ADGRF1: variants seen among roughly 807,000 people sequenced by gnomAD.
ADGRF1 encodes the protein adhesion G protein-coupled receptor F1.
ADGRF1 carries 85 observed loss-of-function variants against 87.2 expected under a neutral mutation model. The ratio of observed to expected loss-of-function variants is 0.97; its 90% CI spans 0.82 to 1.17. The LOEUF is 1.17. Ranked by LOEUF, ADGRF1 falls within the 50% of genes most tolerant of loss-of-function variation. ADGRF1 has a pLI of 0.00. For synonymous variants in ADGRF1, 430 were observed against 408.8 expected (o/e 1.05, Z -0.63); for missense variants, 1,169 against 1,077.2 (o/e 1.09, Z -1.19).
At chr6:47,037,726 T>C (rs1213358988) in intron 1 of ADGRF1, among the ~76,000 whole-genome samples, 1 of 152,182 alleles carries the variant, frequency 6.6e-6, no homozygotes, top group Non-Finnish European at 1.5e-5. Flanking sequence ...TTGTTCACAC[T>C]GGCCTTGAAC....
At chr6:47,040,370 G>T (rs1652092652) in intron 1 of ADGRF1, among the ~76,000 whole-genome samples, 1 of 152,156 alleles carries the variant, frequency 6.6e-6, no homozygotes, top group South Asian at 2.1e-4. Flanking sequence ...TACTCGGGAG[G>T]CTGAGGCAGG....
intron 1 of ADGRF1, among the ~76,000 whole-genome samples, chr6:47,031,524 C>T (rs189166208): frequency 6.6e-6 from 1 of 152,124 alleles, no homozygotes; most frequent in East Asian, 1.9e-4. Flanking sequence ...CTTCTCCCAC[C>T]CTAGAGATAT....
At position 47,009,070 on chromosome 6, in the gene ADGRF1, C is replaced by T. The variant is rs145194935; in HGVS notation, c.2365G>A (p.Val789Met). 132 of 1,613,972 alleles carry T rather than the reference C, an allele frequency of 8.2e-5. No individual in the cohort carries two copies. Among genetic ancestry groups the T allele is most frequent in the Non-Finnish European group, 9.4e-5 (111 of 1,180,020 alleles). ...SRDDKATIIR[V>M]GKSLLILTPL... ...GTCAGAATGAGGAGGCTCTTCCCCA[C>T]GCGGATGATGGTGGCCTTGTCATCC... Residue 789 changes from valine to methionine, a missense_variant, in exon 11 of 15, where the codon GTG (valine) becomes ATG (methionine). Coordinates refer to ENST00000371253, the MANE Select transcript of ADGRF1 (RefSeq NM_153840.4).
At chr6:47,014,520 C>T (rs776180819) in intron 9 of ADGRF1, 161 bp downstream of exon 9, 304 of 1,409,784 alleles carry the variant, frequency 2.2e-4, no homozygotes, top group Middle Eastern at 1.5e-3. Flanking sequence ...CACTCATGCA[C>T]GACTCCACGG....
chr6:47,034,462 G>A (rs1780530312), intron 1 of ADGRF1, among the ~76,000 whole-genome samples: 1 of 152,168 alleles, frequency 6.6e-6, no homozygotes, highest in Admixed American at 6.5e-5. Context: ...TAAGAATTCT[G>A]GACTTGTAAG....
In ADGRF1 at chr6:47,023,010, C is replaced by G. The variant is rs548273784; in HGVS notation, c.452-952G>C. 3.3e-5 allele frequency among the ~76,000 whole-genome samples: 5 copies of G among 151,864 alleles called. No individual in the cohort carries two copies. In the South Asian group the frequency reaches 8.3e-4, roughly 25 times the overall value. On this transcript the variant is annotated intron_variant, in intron 5 of 14. Coordinates refer to ENST00000371253, the MANE Select transcript of ADGRF1 (RefSeq NM_153840.4). ...TATTTTTTGTAGAGATGCATTTTTGCCATGTTGCCCAAGCTGGTCTCGAAC... is the reference window on the plus strand; with the variant it reads ...TATTTTTTGTAGAGATGCATTTTTGGCATGTTGCCCAAGCTGGTCTCGAAC...
chr6:47,037,200 A>C (rs575666405), intron 1 of ADGRF1, among the ~76,000 whole-genome samples: 1 of 152,144 alleles, frequency 6.6e-6, no homozygotes, highest in Non-Finnish European at 1.5e-5. Context: ...TTATTGTTTT[A>C]ATTTTCCTGT....
intron 1 of ADGRF1, among the ~76,000 whole-genome samples, chr6:47,036,899 T>A (rs1454741848): frequency 6.6e-6 from 1 of 152,172 alleles, no homozygotes; most frequent in Non-Finnish European, 1.5e-5. Flanking sequence ...AAACTCAAGA[T>A]CATAGCAGTT....
At chr6:47,013,921 A>T (rs1360032644) in intron 9 of ADGRF1, 1 of 153,202 alleles carries the variant, frequency 6.5e-6, no homozygotes, top group African/African-American at 2.4e-5. Context: ...CCATATAAGG[A>T]TGTGCTTACT....
intron 1 of ADGRF1, among the ~76,000 whole-genome samples, chr6:47,035,454 TA>T (rs144899095): frequency 0.07 from 10,715 of 152,300 alleles, 507 homozygotes; most frequent in Non-Finnish European, 0.11. Flanking sequence ...GCTACCTAAT[TA>T]AAAGAAATAA....
At chr6:47,020,217 G>A in intron 7 of ADGRF1, 1 of 1,255,416 alleles carries the variant, frequency 8.0e-7, no homozygotes, top group Non-Finnish European at 1.0e-6. Flanking sequence ...TCCTAGGCCA[G>A]ATGTGGTGGC....
chr6:47,014,922 C>T, intron 8 of ADGRF1, 78 bp from the exon 9 acceptor site: 1 of 1,429,600 alleles, frequency 7.0e-7, no homozygotes. Flanking sequence ...TAGTCATGTT[C>T]AAATGTTTTA....
chr6:47,014,894 C>A (rs1482207127), intron 8 of ADGRF1, 50 bp from the exon 9 acceptor site: 1 of 1,541,048 alleles, frequency 6.5e-7, no homozygotes, highest in Non-Finnish European at 8.8e-7. Flanking sequence ...AATATCCTGG[C>A]ACTCTATATA....
At chr6:47,029,141 A>G in intron 1 of ADGRF1, 37 bp from the exon 2 acceptor site, 1 of 1,197,598 alleles carries the variant, frequency 8.4e-7, no homozygotes, top group Non-Finnish European at 1.2e-6. Flanking sequence ...TAGAGGCACA[A>G]AAACAAGAAA....
Position 47,026,957 on chromosome 6 carries a change from C to A in ADGRF1, c.127+747G>T, listed in dbSNP as rs562416024. 1.4e-4 allele frequency among the ~76,000 whole-genome samples: 21 copies of A among 152,286 alleles called. No homozygotes were observed. The East Asian group carries it at 1.7e-3, about 13-fold the overall frequency. Reference sequence around the variant, plus strand: ...GGGTTAATGGCACTGGTTCTGGAGCCAGATTGACTGGATTTGAATCCTGGT... The same window carrying A: ...GGGTTAATGGCACTGGTTCTGGAGCAAGATTGACTGGATTTGAATCCTGGT... On this transcript the variant is annotated intron_variant, in intron 3 of 14. Coordinates refer to ENST00000371253, the MANE Select transcript of ADGRF1 (RefSeq NM_153840.4).
intron 1 of ADGRF1, among the ~76,000 whole-genome samples, chr6:47,040,164 A>G (rs1304341007): frequency 6.6e-6 from 1 of 152,094 alleles, no homozygotes; most frequent in Non-Finnish European, 1.5e-5. Context: ...GCCAAAGAAC[A>G]TTAAAAAGAG....
At chr6:47,029,714 G>T (rs985973073) in intron 1 of ADGRF1, among the ~76,000 whole-genome samples, 1 of 152,110 alleles carries the variant, frequency 6.6e-6, no homozygotes, top group Non-Finnish European at 1.5e-5. Flanking sequence ...TGTTAGAATT[G>T]TTCTGTCTAA....
intron 9 of ADGRF1, chr6:47,013,697 T>C: frequency 1.0e-6 from 1 of 968,046 alleles, no homozygotes; most frequent in South Asian, 4.8e-5. Flanking sequence ...CACCCAAATC[T>C]TATGTCGAGT....
chr6:47,010,514 G>T (rs1779674633), intron 10 of ADGRF1, among the ~76,000 whole-genome samples, 196 bp from the exon 11 acceptor site: 1 of 152,204 alleles, frequency 6.6e-6, no homozygotes, highest in Admixed American at 6.5e-5. Flanking sequence ...TCTTGGGTCA[G>T]CAGAATCATG....
Sources: allele counts gnomAD v4.1 joint callset (sites outside exome capture counted in the v4.1 genomes callset), GRCh38; gene constraint gnomAD v4.1.1; transcripts MANE v1.5; gene names NCBI Gene and HGNC (gene_info 2026-07-23, HGNC 2026-07-21).